Variants in ADAMTS12 observed in about 807,000 individuals in gnomAD.
ADAMTS12 encodes the protein A disintegrin and metalloproteinase with thrombospondin motifs 12.
A neutral mutation model predicts 167.8 loss-of-function variants in ADAMTS12; 118 were observed. The ratio of observed to expected loss-of-function variants is 0.70; its 90% CI spans 0.61 to 0.82. The LOEUF is 0.82. ADAMTS12 is among the 40% of genes least tolerant of loss of function. The pLI is 0.00. For missense variants in ADAMTS12, 1,916 were observed against 1,998.8 expected (o/e 0.96, Z 0.79); for synonymous variants, 704 against 716.9 (o/e 0.98, Z 0.29).
At chr5:33,569,207 T>C (rs985245030) in intron 19 of ADAMTS12, among the ~76,000 whole-genome samples, 1 of 152,240 alleles carries the variant, frequency 6.6e-6, no homozygotes, top group African/African-American at 2.4e-5. Context: ...CTCTGCAGAC[T>C]TAAATGTCCT....
intron 17 of ADAMTS12, among the ~76,000 whole-genome samples, chr5:33,592,930 G>C (rs1747720002): frequency 6.6e-6 from 1 of 152,176 alleles, no homozygotes; most frequent in Non-Finnish European, 1.5e-5. Flanking sequence ...AAGGAAACTA[G>C]TGAACTAATC....
At chr5:33,817,524 A>G (rs984704623) in intron 2 of ADAMTS12, among the ~76,000 whole-genome samples, 2 of 152,140 alleles carry the variant, frequency 1.3e-5, no homozygotes, top group Non-Finnish European at 1.5e-5. Flanking sequence ...ATAGAATGGT[A>G]TAATGAACCT....
Position 33,732,321 on chromosome 5 carries a change from A to G in ADAMTS12, c.634+19083T>C, listed in dbSNP as rs1322060083. 4.6e-5 allele frequency among the ~76,000 whole-genome samples: 7 copies of G among 152,350 alleles called. No homozygotes were observed. In the East Asian group the frequency reaches 1.3e-3, roughly 29 times the overall value. The stretch of plus-strand genomic sequence containing the variant: ...GCATAAAAAGAATGGAGGAAATCAG[A>G]AAGAAAACGTCTAAATGAAAATCTT... On this transcript the variant is annotated intron_variant, in intron 3 of 23. Coordinates refer to ENST00000504830, the MANE Select transcript of ADAMTS12 (RefSeq NM_030955.4).
At position 33,549,195 on chromosome 5, in the gene ADAMTS12, T is replaced by TG. The variant is rs1217477559; in HGVS notation, c.4302+11dup. 3 of 1,610,832 alleles carry TG rather than the reference T, an allele frequency of 1.9e-6. No individual in the cohort carries two copies. In the South Asian group the frequency reaches 3.3e-5, roughly 18 times the overall value. ...TTGTGTGAGGACATCTCTCCCTTTGTGGGGGACCTACCTGGCTCCAAGGCT... is the reference window on the plus strand; with the variant it reads ...TTGTGTGAGGACATCTCTCCCTTTGTGGGGGGACCTACCTGGCTCCAAGGCT... On this transcript the variant is annotated intron_variant, in intron 21 of 23. Coordinates refer to ENST00000504830, the MANE Select transcript of ADAMTS12 (RefSeq NM_030955.4).
At chr5:33,584,799 T>G (rs947066867) in intron 18 of ADAMTS12, among the ~76,000 whole-genome samples, 2 of 151,218 alleles carry the variant, frequency 1.3e-5, no homozygotes, top group African/African-American at 4.9e-5. Context: ...ACTATTAGTC[T>G]AATTACTAGG....
intron 19 of ADAMTS12, among the ~76,000 whole-genome samples, chr5:33,570,897 G>A (rs1579682379): frequency 1.3e-5 from 2 of 150,182 alleles, no homozygotes; most frequent in African/African-American, 4.9e-5. Context: ...AAAGGATGGA[G>A]GAAGATCTAC....
chr5:33,754,713 A>G (rs1182858041), intron 2 of ADAMTS12, among the ~76,000 whole-genome samples: 1 of 151,952 alleles, frequency 6.6e-6, no homozygotes, highest in Non-Finnish European at 1.5e-5. Flanking sequence ...AAAATTAGCC[A>G]GGTGTGGTGG....
chr5:33,545,973 C>A (rs1186649), intron 22 of ADAMTS12, 86 bp downstream of exon 22: 1 of 1,492,506 alleles, frequency 6.7e-7, no homozygotes, highest in Non-Finnish European at 9.0e-7. Flanking sequence ...AACAAACCTG[C>A]ACGTTGTGCA....
chr5:33,860,812 C>T (rs1208092712), intron 2 of ADAMTS12, among the ~76,000 whole-genome samples: 1 of 152,154 alleles, frequency 6.6e-6, no homozygotes, highest in Non-Finnish European at 1.5e-5. Context: ...CAAAAGGAAG[C>T]CCATCAGACT....
intron 3 of ADAMTS12, among the ~76,000 whole-genome samples, chr5:33,738,879 G>A (rs1304229565): frequency 3.3e-5 from 5 of 152,244 alleles, no homozygotes; most frequent in African/African-American, 1.2e-4. Flanking sequence ...TACAGAAAAT[G>A]AGCCCTCTGC....
chr5:33,761,615 A>G (rs910738405), intron 2 of ADAMTS12, among the ~76,000 whole-genome samples: 1 of 152,188 alleles, frequency 6.6e-6, no homozygotes, highest in Non-Finnish European at 1.5e-5. Context: ...AAAGACAAAG[A>G]AAGATTTGCC....
chr5:33,860,776 G>A (rs993228981), intron 2 of ADAMTS12, among the ~76,000 whole-genome samples: 1 of 152,120 alleles, frequency 6.6e-6, no homozygotes, highest in Non-Finnish European at 1.5e-5. Context: ...GTTAAGTGCA[G>A]CCAGAGAGAA....
chr5:33,886,268 T>C (rs573041122), intron 1 of ADAMTS12, among the ~76,000 whole-genome samples: 12 of 152,342 alleles, frequency 7.9e-5, no homozygotes, highest in African/African-American at 2.6e-4. Context: ...CCAATTTAAG[T>C]TGGCTGTAGA....
At chr5:33,544,675 A>T (rs959049908) in intron 22 of ADAMTS12, among the ~76,000 whole-genome samples, 2 of 151,998 alleles carry the variant, frequency 1.3e-5, no homozygotes, top group African/African-American at 2.4e-5. Flanking sequence ...TATAGACCAA[A>T]AGAACAGAAC....
At chr5:33,546,246 A>G in intron 21 of ADAMTS12, 44 bp from the exon 22 acceptor site, 2 of 1,569,712 alleles carry the variant, frequency 1.3e-6, no homozygotes, top group Non-Finnish European at 1.7e-6. Flanking sequence ...TCAGGTGGAG[A>G]CATGTTTAAT....
chr5:33,724,545 C>CT (rs763501455), intron 3 of ADAMTS12, among the ~76,000 whole-genome samples: 4,904 of 132,718 alleles, frequency 0.037, 236 homozygotes, highest in African/African-American at 0.11. Flanking sequence ...CTAACAGCTT[C>CT]TTTTTTTTTT....
chr5:33,864,240 C>T (rs571813839), intron 2 of ADAMTS12, among the ~76,000 whole-genome samples: 1 of 152,312 alleles, frequency 6.6e-6, no homozygotes, highest in Non-Finnish European at 1.5e-5. Context: ...TGATAAAAAG[C>T]TCATCATCAC....
chr5:33,662,968 C>T (rs1278216514), intron 5 of ADAMTS12, among the ~76,000 whole-genome samples: 1 of 152,208 alleles, frequency 6.6e-6, no homozygotes, highest in African/African-American at 2.4e-5. Flanking sequence ...TCAGGACAGT[C>T]TCTGCATGAA....
chr5:33,854,627 A>G (rs1749336196), intron 2 of ADAMTS12, among the ~76,000 whole-genome samples: 1 of 152,240 alleles, frequency 6.6e-6, no homozygotes, highest in African/African-American at 2.4e-5. Context: ...CTTCAATTCT[A>G]TCCCTCCCAT....
Sources: gnomAD v4.1 joint callset for allele counts (sites outside exome capture counted in the v4.1 genomes callset) on GRCh38, gnomAD v4.1.1 for gene constraint, MANE v1.5 for transcripts, NCBI Gene and HGNC (gene_info 2026-07-23, HGNC 2026-07-21) for gene names.